Variants in PARP4 observed in about 807,000 individuals in gnomAD.
PARP4 encodes protein mono-ADP-ribosyltransferase PARP4.
PARP4 carries 120 observed loss-of-function variants against 187.7 expected under a neutral mutation model. The observed-to-expected ratio is 0.64, with a 90% CI of 0.55 to 0.74. The LOEUF (loss-of-function observed/expected upper bound fraction) is 0.74. Among genes scored for constraint, PARP4 ranks in the 30% least tolerant of loss-of-function variants. The pLI, the probability that PARP4 is intolerant of heterozygous loss-of-function variation, is 0.00. For missense variants in PARP4, 1,836 were observed against 2,070.5 expected, an observed-to-expected ratio of 0.89 and a Z score of 2.20; for synonymous variants, 654 against 740.9, an observed-to-expected ratio of 0.88 and a Z score of 1.90.
Position 24,452,459 on chromosome 13 carries a change from T to C in PARP4, c.2961A>G (p.Leu987=). Reference sequence around the variant, plus strand: ...GCGGGCGGCTCCTCTTCACGAGCTGTAATGTCAGGCTCTCATCCTGGAGGT... The same window carrying C: ...GCGGGCGGCTCCTCTTCACGAGCTGCAATGTCAGGCTCTCATCCTGGAGGT... ...DGHLQDESLT[L]QLVKRSRPHT... Residue 987 remains leucine, a synonymous_variant, in exon 24 of 34, where the codon TTA becomes TTG. Coordinates refer to ENST00000381989, the MANE Select transcript of PARP4 (RefSeq NM_006437.4). 1 of 1,614,070 alleles carries C rather than the reference T, an allele frequency of 6.2e-7. No homozygotes were observed.
chr13:24,454,010 G>A (rs1169877019), intron 22 of PARP4, among the ~76,000 whole-genome samples: 1 of 151,604 alleles, frequency 6.6e-6, no homozygotes, highest in East Asian at 1.9e-4. Flanking sequence ...AGCCACTGGG[G>A]AGGCTAAGGC....
At chr13:24,485,309 T>C (rs1340396848) in intron 11 of PARP4, among the ~76,000 whole-genome samples, 1 of 152,184 alleles carries the variant, frequency 6.6e-6, no homozygotes, top group Non-Finnish European at 1.5e-5. Context: ...TTTTCCAGAA[T>C]TATTCTGGTA....
intron 32 of PARP4, among the ~76,000 whole-genome samples, chr13:24,428,841 G>T (rs1368759055): frequency 6.6e-6 from 1 of 152,166 alleles, no homozygotes; most frequent in Non-Finnish European, 1.5e-5. Context: ...TATAGTGCTT[G>T]GAGTTCTGCT....
chr13:24,507,229 G>A (rs1369486999), intron 1 of PARP4, among the ~76,000 whole-genome samples: 1 of 152,250 alleles, frequency 6.6e-6, no homozygotes, highest in African/African-American at 2.4e-5. Context: ...CTCAGAAAGG[G>A]GCTCCCACAG....
chr13:24,448,366 C>T (rs2137463457), intron 25 of PARP4, among the ~76,000 whole-genome samples: 2 of 151,958 alleles, frequency 1.3e-5, no homozygotes, highest in South Asian at 2.1e-4. Flanking sequence ...TATGATTGTA[C>T]CACTGTACTC....
intron 30 of PARP4, among the ~76,000 whole-genome samples, chr13:24,438,028 G>C (rs1325326330): frequency 1.3e-5 from 2 of 152,160 alleles, no homozygotes; most frequent in Non-Finnish European, 2.9e-5. Context: ...AAAGTGTGGG[G>C]ATTACAGGTA....
intron 3 of PARP4, among the ~76,000 whole-genome samples, chr13:24,500,943 G>C (rs1869240341): frequency 6.6e-6 from 1 of 152,106 alleles, no homozygotes; most frequent in Non-Finnish European, 1.5e-5. Flanking sequence ...AATAAATTAT[G>C]CTGGCTGTCA....
At chr13:24,479,542 A>G (rs9581068) in intron 12 of PARP4, among the ~76,000 whole-genome samples, 2,231 of 152,218 alleles carry the variant, frequency 0.015, 56 homozygotes, top group African/African-American at 0.051. Context: ...GAGTGCACCA[A>G]TTGACACTCT....
intron 8 of PARP4, 69 bp from the exon 9 acceptor site, chr13:24,492,663 C>T: frequency 7.9e-7 from 1 of 1,260,428 alleles, no homozygotes; most frequent in Non-Finnish European, 1.1e-6. Flanking sequence ...ATGCACAAAA[C>T]TATATAAATA....
intron 11 of PARP4, among the ~76,000 whole-genome samples, chr13:24,485,555 G>A (rs1041656125): frequency 2.6e-5 from 4 of 152,014 alleles, no homozygotes; most frequent in African/African-American, 9.7e-5. Context: ...AGTTTCTTCT[G>A]AGTAATTAAT....
At chr13:24,449,998 G>A (rs555193899) in intron 24 of PARP4, among the ~76,000 whole-genome samples, 181 bp from the exon 25 acceptor site, 1 of 152,184 alleles carries the variant, frequency 6.6e-6, no homozygotes, top group Non-Finnish European at 1.5e-5. Context: ...TGAAAGTTTG[G>A]CTAATTTAAG....
rs1252255929 is a variant in PARP4, at chr13:24,435,132, C to G, written c.4009G>C (p.Ala1337Pro). ...LPPTARAHSP[A>P]SLSFASYRQV... ...CGATATGAGGCAAAAGACAAGGAAG[C>G]AGGACTGTGAGCGCGGGCAGTCGGG... The change falls in exon 31 of 34, where the codon GCT (alanine) becomes CCT (proline). Residue 1337 changes from alanine to proline, a missense_variant. Physicochemically the swap from Ala to Pro is conservative, Grantham distance 27. This residue lies in a region of PARP4 where 450 missense variants were observed against 439.2 expected (regional missense o/e 1.02). Transcript: ENST00000381989. 1 of 1,614,144 alleles carries G rather than the reference C, an allele frequency of 6.2e-7. No homozygotes were observed. The highest frequency in any genetic ancestry group is 8.5e-7 in the Non-Finnish European group (1 of 1,180,026).
chr13:24,449,676 T>G (rs759112945), intron 25 of PARP4, 42 bp downstream of exon 25: 22 of 1,074,006 alleles, frequency 2.0e-5, no homozygotes, highest in Middle Eastern at 3.0e-4. Context: ...GAATAAGAGA[T>G]TTCCAAACAT....
In PARP4 at chr13:24,477,870, G is replaced by A. The variant is rs188128986; in HGVS notation, c.1633-13C>T. 1 of 1,540,492 alleles carries A rather than the reference G, an allele frequency of 6.5e-7. No homozygotes were observed. Among genetic ancestry groups the A allele is most frequent in the African/African-American group, 1.4e-5 (1 of 71,842 alleles). On this transcript the variant is annotated splice_polypyrimidine_tract_variant and intron_variant, in intron 13 of 33. Transcript: ENST00000381989. ...CAAATTCATCATCCTAGAGCAAACA[G>A]AAATCAGTAGGTGATTAACAACAGA...
intron 25 of PARP4, among the ~76,000 whole-genome samples, chr13:24,448,163 T>G (rs904254778): frequency 3.3e-5 from 5 of 152,096 alleles, no homozygotes; most frequent in Admixed American, 1.3e-4. Flanking sequence ...TGAGCCAAGC[T>G]TGCACCACTG....
chr13:24,459,162 T>C, intron 19 of PARP4, 40 bp from the exon 20 acceptor site: 1 of 1,576,940 alleles, frequency 6.3e-7, no homozygotes, highest in Non-Finnish European at 8.6e-7. Flanking sequence ...GTCTACGATC[T>C]TAAATTTCTA....
chr13:24,469,810 T>A (rs1475236368), intron 16 of PARP4, 84 bp downstream of exon 16: 2 of 1,431,526 alleles, frequency 1.4e-6, no homozygotes, highest in African/African-American at 2.9e-5. Context: ...CTTGTAGCCA[T>A]GGGGACTCCA....
rs1469047109 is a variant in PARP4, at chr13:24,426,064, A to G, written c.4979+402T>C. 2.6e-5 allele frequency among the ~76,000 whole-genome samples: 4 copies of G among 152,324 alleles called. No individual in the cohort carries two copies. The East Asian group carries it at 5.8e-4, about 22-fold the overall frequency. On this transcript the variant is annotated intron_variant, in intron 33 of 33. Coordinates refer to ENST00000381989, the MANE Select transcript of PARP4 (RefSeq NM_006437.4). ...AACCTTTAAACACTTGTTATAAACTACAAAGTTATAAACTTTAAATACTTG... is the reference window on the plus strand; with the variant it reads ...AACCTTTAAACACTTGTTATAAACTGCAAAGTTATAAACTTTAAATACTTG...
At chr13:24,459,836 A>C (rs1872109667) in intron 18 of PARP4, 136 bp downstream of exon 18, 2 of 641,358 alleles carry the variant, frequency 3.1e-6, no homozygotes, top group Non-Finnish European at 5.3e-6. Context: ...ATCTAAATGC[A>C]TGTCAGTAAA....
Sources: gnomAD v4.1 joint callset for allele counts (sites outside exome capture counted in the v4.1 genomes callset) on GRCh38, gnomAD v4.1.1 for gene constraint, gnomAD v4.1.1 regional missense constraint, MANE v1.5 for transcripts, NCBI Gene and HGNC (gene_info 2026-07-23, HGNC 2026-07-21) for gene names.